STEAP4: variants seen among roughly 807,000 people sequenced by gnomAD.
STEAP4 encodes the protein metalloreductase STEAP4.
STEAP4 carries 36 observed loss-of-function variants against 43.6 expected under a neutral mutation model. The observed-to-expected ratio is 0.83, with a 90% CI of 0.63 to 1.09. The LOEUF (loss-of-function observed/expected upper bound fraction) is 1.09. STEAP4 is among the 50% of genes least tolerant of loss of function. STEAP4 has a pLI of 0.00. For missense variants in STEAP4, 495 were observed against 546.5 expected (o/e 0.91, Z 0.94); for synonymous variants, 191 against 196.7 (o/e 0.97, Z 0.24).
chr7:88,278,634 G>A lies in STEAP4; in HGVS notation c.*764C>T, dbSNP rs1852554881. 1 of 152,036 alleles carries A rather than the reference G, an allele frequency of 6.6e-6. No individual in the cohort carries two copies. Among genetic ancestry groups the A allele is most frequent in the South Asian group, 2.1e-4 (1 of 4,832 alleles). The allele number at this position is 152,036 out of a possible 1,614,324, so 9.4% of individuals were successfully genotyped here. ...CAAGAACTTTTATCAACCCTTCTTTGCTTATTGCACAATGCAAGTGAAATC... is the reference window on the plus strand; with the variant it reads ...CAAGAACTTTTATCAACCCTTCTTTACTTATTGCACAATGCAAGTGAAATC... On this transcript the variant is annotated 3_prime_UTR_variant, in exon 5 of 5. Coordinates refer to ENST00000380079, the MANE Select transcript of STEAP4 (RefSeq NM_024636.4).
chr7:88,302,936 G>C (rs1398694332), intron 1 of STEAP4, among the ~76,000 whole-genome samples: 1 of 136,218 alleles, frequency 7.3e-6, no homozygotes, highest in African/African-American at 2.8e-5. Context: ...CCTGAGTGAA[G>C]GAGTGAGACT....
chr7:88,303,321 C>A (rs1853072094), intron 1 of STEAP4, among the ~76,000 whole-genome samples: 1 of 151,442 alleles, frequency 6.6e-6, no homozygotes, highest in Non-Finnish European at 1.5e-5. Flanking sequence ...CACGGCGAAA[C>A]CCCTTCTCTA....
chr7:88,277,703 T>G lies in STEAP4; in HGVS notation c.*1695A>C, dbSNP rs919987206. 2 of 151,946 alleles carry G rather than the reference T, an allele frequency of 1.3e-5. No individual in the cohort carries two copies. Among genetic ancestry groups the G allele is most frequent in the African/African-American group, 4.8e-5 (2 of 41,334 alleles). 9.4% of individuals were successfully genotyped at this position (151,946 alleles called of 1,614,324 possible). On this transcript the variant is annotated 3_prime_UTR_variant, in exon 5 of 5. Transcript: ENST00000380079. ...GGTGAAACCCTGTCTCTACTAAAAG[T>G]ACAAAAATTAGCTGGGCATAGTGGC...
chr7:88,304,202 G>A (rs1321389748), intron 1 of STEAP4: 2 of 152,164 alleles, frequency 1.3e-5, no homozygotes, highest in Non-Finnish European at 2.9e-5. Context: ...GGGGGAGTGG[G>A]GAGGGATAGC....
At position 88,278,316 on chromosome 7, in the gene STEAP4, C is replaced by T. The variant is rs1458895711; in HGVS notation, c.*1082G>A. On this transcript the variant is annotated 3_prime_UTR_variant, in exon 5 of 5. Transcript: ENST00000380079. ...CATAATGATGAATCTTCACACCTCT[C>T]TGCCCTATGATTTTCCGTAATTTTC... The T allele has an allele frequency of 1.3e-5, 2 of 152,190 alleles. No individual in the cohort carries two copies. The highest frequency in any genetic ancestry group is 4.8e-5 in the African/African-American group (2 of 41,456). 9.4% of individuals were successfully genotyped at this position (152,190 alleles called of 1,614,324 possible).
At chr7:88,302,822 T>C (rs1278138564) in intron 1 of STEAP4, among the ~76,000 whole-genome samples, 3 of 151,676 alleles carry the variant, frequency 2.0e-5, no homozygotes, top group Non-Finnish European at 4.4e-5. Context: ...GGCTTGGTGG[T>C]GCATGCCTTT....
intron 1 of STEAP4, among the ~76,000 whole-genome samples, chr7:88,295,532 T>G (rs1393218002): frequency 6.6e-6 from 1 of 152,136 alleles, no homozygotes; most frequent in African/African-American, 2.4e-5. Context: ...ACAGCCAAGC[T>G]TGAGAACCAT....
Position 88,291,648 on chromosome 7 carries a change from C to T in STEAP4, c.-2-7377G>A, listed in dbSNP as rs868775241. Among the ~76,000 whole-genome samples the T allele has an allele frequency of 3.3e-5, 5 of 152,140 alleles. No individual in the cohort carries two copies. In the East Asian group the frequency reaches 7.7e-4, roughly 24 times the overall value. On this transcript the variant is annotated intron_variant, in intron 1 of 4. Coordinates refer to ENST00000380079, the MANE Select transcript of STEAP4 (RefSeq NM_024636.4). ...CTCAAAATAGCTGTGTGTAAATATA[C>T]GTTCATGGAGGTTCCTTGTTCAAAG...
At position 88,280,834 on chromosome 7, in the gene STEAP4, T is replaced by C. The variant is rs1004698264; in HGVS notation, c.1149+81A>G. Reference sequence around the variant, plus strand: ...CCTTTTGTACCTGGGTTCAACATTTTCTAATTTGAATTTTTAAATATGATT... The same window carrying C: ...CCTTTTGTACCTGGGTTCAACATTTCCTAATTTGAATTTTTAAATATGATT... On this transcript the variant is annotated intron_variant, in intron 4 of 4. Transcript: ENST00000380079. The C allele has an allele frequency of 3.6e-6, 5 of 1,386,224 alleles. No individual in the cohort carries two copies. The Admixed American group carries it at 1.3e-4, about 36-fold the overall frequency. The allele number at this position is 1,386,224 out of a possible 1,614,324, so 85.9% of individuals were successfully genotyped here.
intron 1 of STEAP4, among the ~76,000 whole-genome samples, chr7:88,300,661 T>C (rs1324269279): frequency 6.6e-6 from 1 of 152,160 alleles, no homozygotes; most frequent in African/African-American, 2.4e-5. Flanking sequence ...CACCAAGTGC[T>C]ACAAATCAGG....
chr7:88,288,538 T>C (rs1180953502), intron 1 of STEAP4, among the ~76,000 whole-genome samples: 1 of 152,186 alleles, frequency 6.6e-6, no homozygotes, highest in Non-Finnish European at 1.5e-5. Context: ...TCTTTTATAA[T>C]CTTAGAGGGG....
chr7:88,287,675 C>T (rs1852759898), intron 1 of STEAP4, among the ~76,000 whole-genome samples: 1 of 152,152 alleles, frequency 6.6e-6, no homozygotes, highest in Admixed American at 6.5e-5. Flanking sequence ...GTGGTGTCAG[C>T]TGATCCATCC....
At chr7:88,296,735 C>G (rs1369922064) in intron 1 of STEAP4, among the ~76,000 whole-genome samples, 1 of 152,036 alleles carries the variant, frequency 6.6e-6, no homozygotes, top group African/African-American at 2.4e-5. Context: ...CATGAAAACA[C>G]AAACGTATCC....
At chr7:88,280,252 T>G (rs1049874708) in intron 4 of STEAP4, among the ~76,000 whole-genome samples, 6 of 152,258 alleles carry the variant, frequency 3.9e-5, no homozygotes, top group Non-Finnish European at 8.8e-5. Flanking sequence ...AATGCTCTTT[T>G]CTATTATACT....
At chr7:88,289,038 AT>A (rs947645127) in intron 1 of STEAP4, among the ~76,000 whole-genome samples, 3 of 149,928 alleles carry the variant, frequency 2.0e-5, no homozygotes, top group South Asian at 2.1e-4. Flanking sequence ...TTAATCTTTT[AT>A]TTTTTTTGGT....
chr7:88,275,001 G>A lies in STEAP4; in HGVS notation c.*4397C>T, dbSNP rs2115928903. The stretch of plus-strand genomic sequence containing the variant: ...CCTGTTTTATCAGCAAGGTCTTTGT[G>A]ACCTGTACCTTGTGCTTACTCCTAT... On this transcript the variant is annotated 3_prime_UTR_variant, in exon 5 of 5. Transcript: ENST00000380079. The A allele has an allele frequency of 6.6e-6, 1 of 152,360 alleles. No homozygotes were observed. Among genetic ancestry groups the A allele is most frequent in the Admixed American group, 6.5e-5 (1 of 15,308 alleles). 9.4% of individuals were successfully genotyped at this position (152,360 alleles called of 1,614,324 possible).
chr7:88,281,303 A>G (rs1377480659), intron 3 of STEAP4, among the ~76,000 whole-genome samples: 1 of 152,228 alleles, frequency 6.6e-6, no homozygotes, highest in African/African-American at 2.4e-5. Flanking sequence ...GGAGTTGTGT[A>G]GAAAGTTTCG....
Position 88,278,875 on chromosome 7 carries a change from G to A in STEAP4, c.*523C>T, listed in dbSNP as rs1314391807. On this transcript the variant is annotated 3_prime_UTR_variant, in exon 5 of 5. Transcript: ENST00000380079. ...GGGTCATTTCACTAGAATTCATCATGGTAATATTTATGTTTGCCTTTACTT... is the reference window on the plus strand; with the variant it reads ...GGGTCATTTCACTAGAATTCATCATAGTAATATTTATGTTTGCCTTTACTT... The A allele has an allele frequency of 6.4e-6, 1 of 156,518 alleles. No individual in the cohort carries two copies. The highest frequency in any genetic ancestry group is 1.4e-5 in the Non-Finnish European group (1 of 70,316). 9.7% of individuals were successfully genotyped at this position (156,518 alleles called of 1,614,324 possible).
rs894034288 is a variant in STEAP4 at position 88,272,838 on chromosome 7, A to C, written c.*6560T>G. The C allele has an allele frequency of 6.6e-6, 1 of 152,204 alleles. No homozygotes were observed. 9.4% of individuals were successfully genotyped at this position (152,204 alleles called of 1,614,324 possible). A position where few individuals can be genotyped will look rare whatever the true frequency, so the allele number is the denominator to read the frequency against. ...TATCTACAGAGAGAACTCCCTGATA[A>C]TTTCCTGGAGTGCCTAAAACAAAAG... On this transcript the variant is annotated 3_prime_UTR_variant, in exon 5 of 5. Transcript: ENST00000380079.
Sources: gnomAD v4.1 joint callset for allele counts (sites outside exome capture counted in the v4.1 genomes callset) on GRCh38, gnomAD v4.1.1 for gene constraint, MANE v1.5 for transcripts, NCBI Gene and HGNC (gene_info 2026-07-23, HGNC 2026-07-21) for gene names.